The following CHTF18 variants were observed in gnomAD, a reference collection of about 807,000 sequenced individuals.
The protein encoded by CHTF18 is chromosome transmission fidelity factor 18, also known as chromosome transmission fidelity protein 18 homolog.
In CHTF18, 151 loss-of-function variants were observed where a neutral mutation model predicts 113.4. The observed-to-expected ratio is 1.33, with a 90% CI of 1.17 to 1.52. The LOEUF is 1.52. Among genes scored for constraint, CHTF18 ranks in the 40% most tolerant of loss-of-function variants. The probability of loss-of-function intolerance (pLI) is 0.00; values close to 1 mark genes in which losing one functional copy is unlikely to be tolerated. For missense variants in CHTF18, 1,982 were observed against 1,381.6 expected (o/e 1.43, Z -6.89); for synonymous variants, 916 against 598.8 (o/e 1.53, Z -7.74).
rs1423195125 is a variant in CHTF18, at chr16:792,320, C to T, written c.1299C>T (p.Val433=). 1 of 1,552,942 alleles carries T rather than the reference C, an allele frequency of 6.4e-7. No homozygotes were observed. Among genetic ancestry groups the T allele is most frequent in the Non-Finnish European group, 8.7e-7 (1 of 1,148,666 alleles). ...LGAGGKPNCL[V]IDEIDGAPVA... ...CTGGCGGGAAGCCCAACTGCCTGGT[C>T]ATCGATGAGATCGACGGGGCCCCCG... The change falls in exon 10 of 22, where the codon GTC becomes GTT. Residue 433 remains valine (V), a synonymous_variant. Coordinates refer to ENST00000262315, the MANE Select transcript of CHTF18 (RefSeq NM_022092.3).
rs571352687 is a variant in CHTF18, at chr16:792,011, C to T, written c.1202+63C>T. The T allele has an allele frequency of 2.3e-4, 361 of 1,557,248 alleles. 2 individuals carry two copies. The Admixed American group carries it at 2.9e-3, about 13-fold the overall frequency. ...TCCTGACGTGTTTGAGTTCTGGTGG[C>T]GGACCTGAAACCGGGTGTGGATGTT... is the stretch of plus-strand genomic sequence containing the variant. On this transcript the variant is annotated intron_variant, in intron 9 of 21. Transcript: ENST00000262315.
In CHTF18 at chr16:794,045, C is replaced by A. The variant is rs371946991; in HGVS notation, c.1803-9C>A. ...ACGGGTCCATCTAGCTTCAGCACCC[C>A]ACCTGCAGGCGCCGTGTGGGCCAGG... On this transcript the variant is annotated splice_polypyrimidine_tract_variant and intron_variant, in intron 14 of 21. Transcript: ENST00000262315. 1.1e-5 allele frequency: 17 copies of A among 1,607,004 alleles called. No individual in the cohort carries two copies. In the South Asian group the frequency reaches 1.7e-4, roughly 16 times the overall value.
At chr16:789,524 A>C in intron 3 of CHTF18, 23 bp from the exon 4 acceptor site, 4 of 1,576,292 alleles carry the variant, frequency 2.5e-6, no homozygotes, top group Non-Finnish European at 3.4e-6. Flanking sequence ...AGTTTCTGCC[A>C]CTGAGCCCCG....
rs774324989 is a variant in CHTF18 at position 788,668 on chromosome 16, T to G, written c.-17T>G. The G allele has an allele frequency of 3.6e-5, 54 of 1,518,296 alleles. No homozygotes were observed. The highest frequency in any genetic ancestry group is 1.4e-4 in the East Asian group (5 of 35,484). The allele number at this position is 1,518,296 out of a possible 1,614,324, so 94.1% of individuals were successfully genotyped here. A position where few individuals can be genotyped will look rare whatever the true frequency, so the allele number is the denominator to read the frequency against. ...GGCGCGGGAGGTTCGGAGCGGGAGC[T>G]CGGGCTCGCGGACGGTATGGAGGAC... is the stretch of plus-strand genomic sequence containing the variant. On this transcript the variant is annotated 5_prime_UTR_variant, in exon 1 of 22. Transcript: ENST00000262315.
At chr16:793,329 CGCTA>C in intron 14 of CHTF18, 55 bp downstream of exon 14, 1 of 1,584,758 alleles carries the variant, frequency 6.3e-7, no homozygotes, top group Non-Finnish European at 8.6e-7. Context: ...GACCTCAGGA[CGCTA>C]GCCCTGTGTG....
At position 788,788 on chromosome 16, in the gene CHTF18, C is replaced by T. The variant is rs774811529; in HGVS notation, c.91+13C>T. 3.3e-5 allele frequency: 53 copies of T among 1,585,636 alleles called. No homozygotes were observed. The highest frequency in any genetic ancestry group is 4.1e-5 in the Non-Finnish European group (48 of 1,167,852). On this transcript the variant is annotated intron_variant, in intron 1 of 21. Coordinates refer to ENST00000262315, the MANE Select transcript of CHTF18 (RefSeq NM_022092.3). ...GCAGAGCTGGAAGGTGGGGCGCGGC[C>T]CCCGGCCGTTGGGGAGGAGCTGCGA...
intron 18 of CHTF18, 44 bp from the exon 19 acceptor site, chr16:796,661 TCTGGCCCTGAGC>T (rs1362059535): frequency 1.3e-6 from 2 of 1,514,604 alleles, no homozygotes; most frequent in Non-Finnish European, 1.8e-6. Flanking sequence ...CCGGCGGCTC[TCTGGCCCTGAGC>T]CTGGCCCCGC....
At position 797,852 on chromosome 16, in the gene CHTF18, G is replaced by A. The variant is rs777555204; in HGVS notation, c.2805G>A (p.Pro935=). The change falls in exon 22 of 22, where the codon CCG becomes CCA. Residue 935 remains proline, a synonymous_variant. Transcript: ENST00000262315. ...TAVPSAGDTA[P]EQDSVERRMG... is the part of the protein sequence containing the mutation. ...GTGGCCCCGCAGGGGACACGGCCCC[G>A]GAGCAGGACTCAGTGGAGCGGCGCA... The A allele has an allele frequency of 5.2e-5, 84 of 1,605,696 alleles. No individual in the cohort carries two copies. Among genetic ancestry groups the A allele is most frequent in the Admixed American group, 3.1e-4 (18 of 58,980 alleles).
Position 795,685 on chromosome 16 carries a change from G to T in CHTF18, c.2176G>T (p.Ala726Ser). The T allele has an allele frequency of 6.3e-7, 1 of 1,593,714 alleles. No individual in the cohort carries two copies. The highest frequency in any genetic ancestry group is 8.5e-7 in the Non-Finnish European group (1 of 1,173,704). The change falls in exon 17 of 22, where the codon GCC becomes TCC. Residue 726 changes from alanine (A) to serine (S), a missense_variant and splice_region_variant. Ala to Ser is a moderately conservative substitution (Grantham distance 99). Coordinates refer to ENST00000262315, the MANE Select transcript of CHTF18 (RefSeq NM_022092.3). ...GGCCTTGGCTCACCCCCTGCCCCAG[G>T]CCCAGAACCGGATGAGCCAGATGAG... ...RITFPSSQQE[A>S]QNRMSQMRNL...
At position 788,724 on chromosome 16, in the gene CHTF18, G is replaced by A; in HGVS notation, c.40G>A (p.Asp14Asn). Residue 14 changes from aspartate to asparagine, a missense_variant, in exon 1 of 22, where the codon GAT becomes AAT. Asp to Asn is a conservative substitution (Grantham distance 23, BLOSUM62 1). Coordinates refer to ENST00000262315, the MANE Select transcript of CHTF18 (RefSeq NM_022092.3). Reference sequence around the variant, plus strand: ...GCAGGAGCTGTGCGGCGTCGAGGATGATTTCCACAACCAGTTCGCGGCCGA... The same window carrying A: ...GCAGGAGCTGTGCGGCGTCGAGGATAATTTCCACAACCAGTTCGCGGCCGA... Reference protein sequence around the residue: ...YEQELCGVEDDFHNQFAAELE... With the variant: ...YEQELCGVEDNFHNQFAAELE... The A allele has an allele frequency of 1.9e-6, 3 of 1,603,098 alleles. No homozygotes were observed. Among genetic ancestry groups the A allele is most frequent in the Admixed American group, 1.7e-5 (1 of 59,004 alleles).
At chr16:795,657 C>G in intron 16 of CHTF18, 28 bp from the exon 17 acceptor site, 1 of 1,535,152 alleles carries the variant, frequency 6.5e-7, no homozygotes, top group Non-Finnish European at 8.8e-7. Flanking sequence ...GCCCAGGTGA[C>G]CAGGCCTTGG....
chr16:790,623 A>T lies in CHTF18; in HGVS notation c.851A>T (p.Asp284Val). 2 of 1,589,574 alleles carry T rather than the reference A, an allele frequency of 1.3e-6. No homozygotes were observed. The highest frequency in any genetic ancestry group is 2.3e-5 in the South Asian group (2 of 87,214). The stretch of plus-strand genomic sequence containing the variant: ...GCCTCCAGTCACTGCCTCTGGGTGG[A>T]TGAGTTTGCACCCCGCCACTACACG... ...QDASSHCLWVDEFAPRHYTEL... is the reference protein window; with the variant it reads ...QDASSHCLWVVEFAPRHYTEL... Residue 284 changes from aspartate to valine, a missense_variant, in exon 7 of 22, where the codon GAT (aspartate) becomes GTT (valine). Physicochemically the swap from Asp to Val is radical, Grantham distance 152. Coordinates refer to ENST00000262315, the MANE Select transcript of CHTF18 (RefSeq NM_022092.3).
chr16:797,072 C>A lies in CHTF18; in HGVS notation c.2713C>A (p.Arg905=). 1 of 1,536,914 alleles carries A rather than the reference C, an allele frequency of 6.5e-7. No homozygotes were observed. The highest frequency in any genetic ancestry group is 8.7e-7 in the Non-Finnish European group (1 of 1,144,000). The change falls in exon 20 of 22, where the codon CGA becomes AGA. Residue 905 remains arginine (R), a synonymous_variant. Coordinates refer to ENST00000262315, the MANE Select transcript of CHTF18 (RefSeq NM_022092.3). ...GCAGCGGCTGGAGCACATCATGAGG[C>A]GAGCGGCCCGGGAGGAACAGGTGTG... The part of the protein sequence containing the change: ...HEQRLEHIMR[R]AAREEQPEKD...
rs530916761 is a variant in CHTF18, at chr16:793,140, C to G, written c.1672-4C>G. ...CGCTTCTCATGCCCCCGCCCTATGT[C>G]TAGTTCCTGTACAGCCGGGGCCAGC... On this transcript the variant is annotated splice_region_variant and splice_polypyrimidine_tract_variant and intron_variant, in intron 13 of 21. Transcript: ENST00000262315. The G allele has an allele frequency of 1.8e-5, 28 of 1,598,298 alleles. No homozygotes were observed. The African/African-American group carries it at 3.2e-4, about 18-fold the overall frequency.
chr16:790,816 T>A (rs545647353), intron 7 of CHTF18, 150 bp downstream of exon 7: 1 of 1,433,870 alleles, frequency 7.0e-7, no homozygotes, highest in East Asian at 2.5e-5. Context: ...GGTGGTGAAC[T>A]GAGCACAGGG....
At chr16:797,503 C>T (rs1025064655) in intron 20 of CHTF18, among the ~76,000 whole-genome samples, 191 bp from the exon 21 acceptor site, 4 of 152,124 alleles carry the variant, frequency 2.6e-5, no homozygotes, top group Admixed American at 2.0e-4. Context: ...ATTGGCTCTT[C>T]TTGATTGGCA....
At chr16:794,956 G>C (rs1302675864) in intron 15 of CHTF18, 176 bp from the exon 16 acceptor site, 1 of 602,002 alleles carries the variant, frequency 1.7e-6, no homozygotes, top group Non-Finnish European at 2.9e-6. Context: ...CCCCTTGCTG[G>C]TGTGTGCTGC....
At chr16:792,022 C>G (rs1321111190) in intron 9 of CHTF18, 74 bp downstream of exon 9, 4 of 1,552,820 alleles carry the variant, frequency 2.6e-6, no homozygotes, top group Admixed American at 2.0e-5. Context: ...GGACCTGAAA[C>G]CGGGTGTGGA....
In CHTF18 at chr16:791,233, C is replaced by G. The variant is rs199878079; in HGVS notation, c.967C>G (p.Arg323Gly). ...LVVFGHERPSRKPRPSVEPAR... is the reference protein window; with the variant it reads ...LVVFGHERPSGKPRPSVEPAR... ...GGTGTTTGGCCACGAGAGGCCTTCC[C>G]GGAAGCCCAGGCCCAGTGTTGAGCC... The change falls in exon 8 of 22, where the codon CGG becomes GGG. Residue 323 changes from arginine (R) to glycine (G), a missense_variant. Coordinates refer to ENST00000262315, the MANE Select transcript of CHTF18 (RefSeq NM_022092.3). 7.7e-4 allele frequency: 1,244 copies of G among 1,611,080 alleles called. No homozygotes were observed. Among genetic ancestry groups the G allele is most frequent in the Non-Finnish European group, 9.8e-4 (1,159 of 1,179,352 alleles).
Sources: allele counts gnomAD v4.1 joint callset (sites outside exome capture counted in the v4.1 genomes callset), GRCh38; gene constraint gnomAD v4.1.1; transcripts MANE v1.5; gene names NCBI Gene and HGNC (gene_info 2026-07-23, HGNC 2026-07-21).